The following DENND4A variants were observed in gnomAD, a reference collection of about 807,000 sequenced individuals.
DENND4A encodes C-myc promoter-binding protein.
A neutral mutation model predicts 199.3 loss-of-function variants in DENND4A; 70 were observed. The ratio of observed to expected loss-of-function variants is 0.35; its 90% CI spans 0.29 to 0.43. DENND4A has a LOEUF of 0.43. Ranked by LOEUF, DENND4A falls within the 20% of genes least tolerant of loss-of-function variation. The pLI, the probability that DENND4A is intolerant of heterozygous loss-of-function variation, is 1.00. For synonymous variants in DENND4A, 686 were observed against 766.9 expected, an observed-to-expected ratio of 0.89 and a Z score of 1.74; for missense variants, 1,723 against 2,255.8, an observed-to-expected ratio of 0.76 and a Z score of 4.78.
At chr15:65,746,897 TTCTCTACTAAA>T (rs2076415557) in intron 4 of DENND4A, among the ~76,000 whole-genome samples, 1 of 150,052 alleles carries the variant, frequency 6.7e-6, no homozygotes, top group Non-Finnish European at 1.5e-5. Flanking sequence ...TAAAACCCTG[TTCTCTACTAAA>T]AAAATGGTAA....
chr15:65,722,948 T>A lies in DENND4A; in HGVS notation c.1488A>T (p.Gln496His), dbSNP rs990397242. The change falls in exon 12 of 33, where the codon CAA (glutamine) becomes CAT (histidine). Residue 496 changes from glutamine to histidine, a missense_variant and splice_region_variant. Coordinates refer to ENST00000443035, the MANE Select transcript of DENND4A (RefSeq NM_001320835.1). ...AGGCTACATTTTTCTTGTCACCAATTCTAAGATTAAATAACAACAGGAATA... is the reference window on the plus strand; with the variant it reads ...AGGCTACATTTTTCTTGTCACCAATACTAAGATTAAATAACAACAGGAATA... ...CVDVDTNTIS[Q>H]IGDKKNVAWK... is the part of the protein sequence containing the mutation. 6 of 1,601,172 alleles carry A rather than the reference T, an allele frequency of 3.7e-6. No individual in the cohort carries two copies. Among genetic ancestry groups the A allele is most frequent in the Non-Finnish European group, 4.3e-6 (5 of 1,173,998 alleles).
chr15:65,735,156 T>C (rs558630205), intron 7 of DENND4A, among the ~76,000 whole-genome samples: 3 of 152,066 alleles, frequency 2.0e-5, no homozygotes, highest in African/African-American at 7.2e-5. Context: ...GGTGGGCGGA[T>C]CACTTGATGT....
chr15:65,662,300 T>A (rs927947939), intron 32 of DENND4A, among the ~76,000 whole-genome samples: 1 of 152,234 alleles, frequency 6.6e-6, no homozygotes, highest in Non-Finnish European at 1.5e-5. Context: ...CCACCAGGAT[T>A]GACAAAAAGT....
At chr15:65,749,942 A>G (rs1220179422) in intron 4 of DENND4A, among the ~76,000 whole-genome samples, 1 of 152,220 alleles carries the variant, frequency 6.6e-6, no homozygotes, top group Admixed American at 6.5e-5. Context: ...AAATATCTAC[A>G]GAAAATGCAC....
intron 4 of DENND4A, among the ~76,000 whole-genome samples, chr15:65,744,455 A>G (rs956236311): frequency 1.3e-5 from 2 of 152,104 alleles, no homozygotes; most frequent in African/African-American, 4.8e-5. Flanking sequence ...TTTACATGGC[A>G]CACTTCCTCA....
chr15:65,784,552 T>C (rs1596709034), intron 1 of DENND4A, among the ~76,000 whole-genome samples: 1 of 152,128 alleles, frequency 6.6e-6, no homozygotes, highest in Non-Finnish European at 1.5e-5. Context: ...AAAACATTTA[T>C]TCAAATTAAA....
chr15:65,714,021 G>T (rs2075319974), intron 14 of DENND4A, among the ~76,000 whole-genome samples: 1 of 152,058 alleles, frequency 6.6e-6, no homozygotes, highest in Non-Finnish European at 1.5e-5. Flanking sequence ...GAAAACCAAT[G>T]ATATACAGCA....
At chr15:65,676,141 A>AATACATATATATATATAT (rs2076369907) in intron 24 of DENND4A, among the ~76,000 whole-genome samples, 1 of 110,452 alleles carries the variant, frequency 9.1e-6, no homozygotes, top group Non-Finnish European at 1.9e-5. Flanking sequence ...AATAAGGAAA[A>AATACATATATATATATAT]ATATATATAT....
chr15:65,665,096 T>C (rs979125353), intron 30 of DENND4A: 11 of 464,646 alleles, frequency 2.4e-5, no homozygotes, highest in Non-Finnish European at 4.1e-5. Context: ...CTCCAGCACA[T>C]ACACAGCACC....
At chr15:65,769,469 A>C (rs1052947959) in intron 1 of DENND4A, among the ~76,000 whole-genome samples, 4 of 152,184 alleles carry the variant, frequency 2.6e-5, no homozygotes, top group African/African-American at 9.7e-5. Flanking sequence ...CTCTGAAATC[A>C]CTTCAGCCAA....
intron 1 of DENND4A, among the ~76,000 whole-genome samples, chr15:65,787,731 T>C (rs1029029090): frequency 3.9e-5 from 6 of 152,332 alleles, no homozygotes; most frequent in East Asian, 1.9e-4. Context: ...GCCAGGCTAC[T>C]GGCAGAGAAA....
chr15:65,684,300 T>C (rs2076678603), intron 23 of DENND4A, among the ~76,000 whole-genome samples: 1 of 152,196 alleles, frequency 6.6e-6, no homozygotes, highest in Non-Finnish European at 1.5e-5. Flanking sequence ...CCAAATTGTT[T>C]TCCAAAGTGG....
chr15:65,691,410 C>G lies in DENND4A; in HGVS notation c.3184G>C (p.Glu1062Gln). Reference protein sequence around the residue: ...CFRKRHKSDNETNLQQQVVWG... With the variant: ...CFRKRHKSDNQTNLQQQVVWG... ...ACCACTTGCTGCTGCAAATTAGTTT[C>G]ATTGTCACTTTTATGTCTTTTCCTG... The change falls in exon 23 of 33, where the codon GAA becomes CAA. Residue 1062 changes from glutamate (E) to glutamine (Q), a missense_variant. Glu to Gln is a conservative substitution (Grantham distance 29). Around this residue, in one of 6 missense-constraint regions of DENND4A, gnomAD observed 650 missense variants for 738.1 expected, o/e 0.88. Coordinates refer to ENST00000443035, the MANE Select transcript of DENND4A (RefSeq NM_001320835.1). The G allele has an allele frequency of 6.2e-7, 1 of 1,613,530 alleles. No individual in the cohort carries two copies. Among genetic ancestry groups the G allele is most frequent in the Non-Finnish European group, 8.5e-7 (1 of 1,179,680 alleles).
intron 1 of DENND4A, among the ~76,000 whole-genome samples, chr15:65,785,201 G>A (rs1307073024): frequency 1.3e-5 from 2 of 151,134 alleles, no homozygotes; most frequent in Non-Finnish European, 2.9e-5. Flanking sequence ...GAAATACAAA[G>A]ATCAGAAATT....
At chr15:65,710,765 G>A (rs2075224794) in intron 14 of DENND4A, among the ~76,000 whole-genome samples, 2 of 152,218 alleles carry the variant, frequency 1.3e-5, no homozygotes, top group African/African-American at 4.8e-5. Flanking sequence ...CTGGTGGGAG[G>A]TGTTTGGGTC....
intron 7 of DENND4A, among the ~76,000 whole-genome samples, chr15:65,736,762 T>C (rs1230440752): frequency 6.6e-6 from 1 of 152,176 alleles, no homozygotes; most frequent in Non-Finnish European, 1.5e-5. Context: ...TCTTTGTATA[T>C]TTCAACCAAA....
In DENND4A at chr15:65,671,905, CAAAG is replaced by C; in HGVS notation, c.4370-23_4370-20del. On this transcript the variant is annotated intron_variant, in intron 24 of 32. Coordinates refer to ENST00000443035, the MANE Select transcript of DENND4A (RefSeq NM_001320835.1). Reference sequence around the variant, plus strand: ...AGAGATCCTGTTCATTAGTGAAAAACAAAGAACAGAAACCATTAAAATTAATGAG... The same window carrying C: ...AGAGATCCTGTTCATTAGTGAAAAACAACAGAAACCATTAAAATTAATGAG... The C allele has an allele frequency of 7.1e-7, 1 of 1,415,298 alleles. No individual in the cohort carries two copies. The highest frequency in any genetic ancestry group is 1.0e-6 in the Non-Finnish European group (1 of 998,888). The allele number at this position is 1,415,298 out of a possible 1,614,324, so 87.7% of individuals were successfully genotyped here.
At position 65,792,098 on chromosome 15, in the gene DENND4A, G is replaced by T. The variant is rs930468975; in HGVS notation, c.-190C>A. Reference sequence around the variant, plus strand: ...GCGCGGTAGCGGAACACGAGGGGCTGAATGCCGCGGCGCTCTGAGCCCGCT... The same window carrying T: ...GCGCGGTAGCGGAACACGAGGGGCTTAATGCCGCGGCGCTCTGAGCCCGCT... On this transcript the variant is annotated 5_prime_UTR_variant, in exon 1 of 33. Transcript: ENST00000443035. The T allele has an allele frequency of 8.5e-5, 13 of 152,600 alleles. No individual in the cohort carries two copies. The highest frequency in any genetic ancestry group is 2.9e-4 in the African/African-American group (12 of 41,442). 9.5% of individuals were successfully genotyped at this position (152,600 alleles called of 1,614,324 possible).
intron 14 of DENND4A, among the ~76,000 whole-genome samples, chr15:65,709,719 A>AAAC (rs1218030026): frequency 1.9e-5 from 1 of 51,474 alleles, no homozygotes; most frequent in Non-Finnish European, 3.1e-5. Context: ...AAAAAAAAAA[A>AAAC]ATATATATAT....
Sources: allele counts gnomAD v4.1 joint callset (sites outside exome capture counted in the v4.1 genomes callset), GRCh38; gene constraint gnomAD v4.1.1; regional missense constraint gnomAD v4.1.1; transcripts MANE v1.5; gene names NCBI Gene and HGNC (gene_info 2026-07-23, HGNC 2026-07-21).